Variants in CLVS2 observed in about 807,000 individuals in gnomAD.
CLVS2 encodes the protein clavesin 2, also known as clavesin-2.
CLVS2 carries 19 observed loss-of-function variants against 29.0 expected under a neutral mutation model. The observed-to-expected ratio is 0.66, with a 90% confidence interval of 0.46 to 0.96. The LOEUF is 0.96. CLVS2 is among the 40% of genes least tolerant of loss of function. The pLI, the probability that CLVS2 is intolerant of heterozygous loss-of-function variation, is 0.00. For synonymous variants in CLVS2, 161 were observed against 151.3 expected (o/e 1.06, Z -0.47); for missense variants, 294 against 404.1 (o/e 0.73, Z 2.34).
intron 3 of CLVS2, among the ~76,000 whole-genome samples, chr6:123,022,336 T>C (rs1774936020): frequency 6.6e-6 from 1 of 152,194 alleles, no homozygotes; most frequent in South Asian, 2.1e-4. Context: ...TACTGTCTGC[T>C]GTCATTTAAA....
At chr6:123,009,189 TC>T (rs1166289975) in intron 2 of CLVS2, among the ~76,000 whole-genome samples, 1 of 151,858 alleles carries the variant, frequency 6.6e-6, no homozygotes, top group African/African-American at 2.4e-5. Context: ...CCCTCAGTCC[TC>T]CCCCAAACAT....
At chr6:123,022,633 T>A (rs1419072194) in intron 3 of CLVS2, among the ~76,000 whole-genome samples, 1 of 152,064 alleles carries the variant, frequency 6.6e-6, no homozygotes, top group Non-Finnish European at 1.5e-5. Context: ...ATGGAAGAAA[T>A]TTATTTCCAA....
At chr6:123,010,850 G>A in intron 2 of CLVS2, 135 bp from the exon 3 acceptor site, 1 of 512,852 alleles carries the variant, frequency 1.9e-6, no homozygotes, top group Non-Finnish European at 3.3e-6. Context: ...TCCTAAAATA[G>A]GTTTTTAAAC....
rs202169424 is a variant in CLVS2 at position 123,038,623 on chromosome 6, A to AT, written c.565-9993dup. Among the ~76,000 whole-genome samples, 715 of 152,026 alleles carry AT rather than the reference A, an allele frequency of 4.7e-3. 7 individuals are homozygous for AT. The highest frequency in any genetic ancestry group is 0.016 in the African/African-American group (661 of 41,486). On this transcript the variant is annotated intron_variant, in intron 3 of 5. Transcript: ENST00000275162. ...TTTAATCAGGTTAATATTTTGATGTATTTTTTCCAAGCCTTTCACATTATT... is the reference window on the plus strand; with the variant it reads ...TTTAATCAGGTTAATATTTTGATGTATTTTTTTCCAAGCCTTTCACATTATT...
Position 122,997,696 on chromosome 6 carries a change from A to G in CLVS2, c.-82A>G. ...AGGCAGCAGGAGGTCTGGGGGCTGG[A>G]GTCTGGTGGTGGCAAGGACCAGGTT... is the stretch of plus-strand genomic sequence containing the variant. On this transcript the variant is annotated 5_prime_UTR_variant, in exon 2 of 6. Coordinates refer to ENST00000275162, the MANE Select transcript of CLVS2 (RefSeq NM_001010852.4). 2.2e-6 allele frequency: 3 copies of G among 1,389,160 alleles called. No homozygotes were observed. Among genetic ancestry groups the G allele is most frequent in the Non-Finnish European group, 3.0e-6 (3 of 1,005,038 alleles). 86.1% of individuals were successfully genotyped at this position (1,389,160 alleles called of 1,614,324 possible).
intron 4 of CLVS2, among the ~76,000 whole-genome samples, chr6:123,054,632 T>C (rs955377263): frequency 1.3e-5 from 2 of 152,224 alleles, no homozygotes; most frequent in African/African-American, 4.8e-5. Context: ...CTTATTCTTC[T>C]TGAACTCAAG....
At chr6:123,006,956 A>G (rs1175848249) in intron 2 of CLVS2, among the ~76,000 whole-genome samples, 2 of 152,218 alleles carry the variant, frequency 1.3e-5, no homozygotes, top group Admixed American at 1.3e-4. Flanking sequence ...GACTGACCAG[A>G]AAAGTGGAAG....
Position 122,997,495 on chromosome 6 carries a change from G to A in CLVS2, c.-283G>A. 2.1e-6 allele frequency: 1 copy of A among 473,986 alleles called. No homozygotes were observed. The highest frequency in any genetic ancestry group is 2.8e-5 in the South Asian group (1 of 35,410). The allele number at this position is 473,986 out of a possible 1,614,324, so 29.4% of individuals were successfully genotyped here. On this transcript the variant is annotated 5_prime_UTR_variant, in exon 2 of 6. Transcript: ENST00000275162. The stretch of plus-strand genomic sequence containing the variant: ...AAGAGGAGTGCGGAGCCCTTCAGGG[G>A]TTCACATCTCTTTAAAGGAAAGGAA...
intron 3 of CLVS2, among the ~76,000 whole-genome samples, chr6:123,034,483 A>G (rs922973331): frequency 1.3e-5 from 2 of 152,192 alleles, no homozygotes; most frequent in African/African-American, 2.4e-5. Flanking sequence ...AGCATACTGT[A>G]TCATGTACAT....
At chr6:123,057,806 C>A (rs1772716246) in intron 5 of CLVS2, among the ~76,000 whole-genome samples, 1 of 152,128 alleles carries the variant, frequency 6.6e-6, no homozygotes, top group Non-Finnish European at 1.5e-5. Context: ...TATATTTAAA[C>A]CAACTTTAGG....
At chr6:123,043,380 G>A (rs2114348636) in intron 3 of CLVS2, among the ~76,000 whole-genome samples, 1 of 151,866 alleles carries the variant, frequency 6.6e-6, no homozygotes, top group East Asian at 1.9e-4. Context: ...CAATATTTTA[G>A]GTCCTAGTAT....
At chr6:123,019,026 T>A (rs1371670750) in intron 3 of CLVS2, among the ~76,000 whole-genome samples, 1 of 152,100 alleles carries the variant, frequency 6.6e-6, no homozygotes, top group Non-Finnish European at 1.5e-5. Flanking sequence ...TGCGCTGCTG[T>A]CTTCTCCATA....
In CLVS2 at chr6:123,044,057, C is replaced by T. The variant is rs555400129; in HGVS notation, c.565-4565C>T. On this transcript the variant is annotated intron_variant, in intron 3 of 5. Coordinates refer to ENST00000275162, the MANE Select transcript of CLVS2 (RefSeq NM_001010852.4). ...AAGCATTGAGGCAAGTCAGTCTTTG[C>T]ATTAGGCACAAAGTGCTTTGCTCAA... Among the ~76,000 whole-genome samples the T allele has an allele frequency of 2.3e-3, 346 of 152,248 alleles. 1 individual carries two copies. The highest frequency in any genetic ancestry group is 7.4e-3 in the African/African-American group (309 of 41,548).
In CLVS2 at chr6:123,009,605, C is replaced by A. The variant is rs77932775; in HGVS notation, c.390-1380C>A. Among the ~76,000 whole-genome samples, 439 of 152,040 alleles carry A rather than the reference C, an allele frequency of 2.9e-3. 2 individuals carry two copies. Among genetic ancestry groups the A allele is most frequent in the Middle Eastern group, 0.01 (3 of 294 alleles). On this transcript the variant is annotated intron_variant, in intron 2 of 5. Transcript: ENST00000275162. ...CATTTCCACTAAATGGGAATGATTT[C>A]GACTCCTAATCCACTCCCCTCCCCA...
chr6:123,055,043 T>G (rs1031694198), intron 4 of CLVS2, among the ~76,000 whole-genome samples: 1 of 152,078 alleles, frequency 6.6e-6, no homozygotes, highest in African/African-American at 2.4e-5. Flanking sequence ...GGATTCCATT[T>G]AGGAAAAATG....
intron 3 of CLVS2, among the ~76,000 whole-genome samples, chr6:123,042,819 C>T (rs1775253203): frequency 6.6e-6 from 1 of 152,120 alleles, no homozygotes; most frequent in South Asian, 2.1e-4. Flanking sequence ...CTTCAGGAAT[C>T]AGAACCTTCT....
At chr6:123,033,907 C>T (rs543099504) in intron 3 of CLVS2, among the ~76,000 whole-genome samples, 3 of 152,070 alleles carry the variant, frequency 2.0e-5, no homozygotes, top group Non-Finnish European at 2.9e-5. Flanking sequence ...TTAAAACACA[C>T]GGACAGACAT....
chr6:123,060,652 AT>A (rs1224433511), intron 5 of CLVS2, among the ~76,000 whole-genome samples: 1 of 152,228 alleles, frequency 6.6e-6, no homozygotes, highest in African/African-American at 2.4e-5. Flanking sequence ...TACATAGGCA[AT>A]AGTATTCCAT....
chr6:123,044,506 G>A (rs1459602680), intron 3 of CLVS2, among the ~76,000 whole-genome samples: 1 of 151,884 alleles, frequency 6.6e-6, no homozygotes, highest in African/African-American at 2.4e-5. Flanking sequence ...GAGTGGGCAG[G>A]AGGGAAAGGG....
Sources: allele counts gnomAD v4.1 joint callset (sites outside exome capture counted in the v4.1 genomes callset), GRCh38; gene constraint gnomAD v4.1.1; transcripts MANE v1.5; gene names NCBI Gene and HGNC (gene_info 2026-07-23, HGNC 2026-07-21).